Variants in DYNC1LI1 observed in about 807,000 individuals in gnomAD.
DYNC1LI1 encodes the protein cytoplasmic dynein 1 light intermediate chain 1.
Under a neutral mutation model 63.8 loss-of-function variants are expected in DYNC1LI1, and 19 were observed. The ratio of observed to expected loss-of-function variants is 0.30; its 90% confidence interval spans 0.21 to 0.44. The LOEUF is 0.44. Ranked by LOEUF, DYNC1LI1 falls within the 20% of genes least tolerant of loss-of-function variation. The pLI is 1.00. For synonymous variants in DYNC1LI1, 225 were observed against 232.3 expected, an observed-to-expected ratio of 0.97 and a Z score of 0.28; for missense variants, 565 against 630.2, an observed-to-expected ratio of 0.90 and a Z score of 1.11.
At chr3:32,569,560 A>G (rs960105789) in intron 2 of DYNC1LI1, among the ~76,000 whole-genome samples, 19 of 152,180 alleles carry the variant, frequency 1.2e-4, no homozygotes, top group Admixed American at 1.2e-3. Flanking sequence ...TCGCATGTAA[A>G]GAGCTATATA....
At chr3:32,559,310 A>G (rs1698158670) in intron 2 of DYNC1LI1, among the ~76,000 whole-genome samples, 1 of 152,108 alleles carries the variant, frequency 6.6e-6, no homozygotes, top group African/African-American at 2.4e-5. Context: ...GCAAGATCTC[A>G]GCTCACTGCA....
intron 5 of DYNC1LI1, among the ~76,000 whole-genome samples, chr3:32,538,527 C>T (rs188200328): frequency 1.2e-3 from 189 of 151,818 alleles, no homozygotes; most frequent in African/African-American, 4.4e-3. Flanking sequence ...GGTGAAACCC[C>T]GTCTCCACTA....
At chr3:32,544,429 T>C (rs112497705) in intron 4 of DYNC1LI1, among the ~76,000 whole-genome samples, 99 of 152,286 alleles carry the variant, frequency 6.5e-4, no homozygotes, top group African/African-American at 2.3e-3. Flanking sequence ...TGTTTCTAAT[T>C]TGAAACTATA....
In DYNC1LI1 at chr3:32,559,334, A is replaced by G. The variant is rs1251942715; in HGVS notation, c.220+11012T>C. On this transcript the variant is annotated intron_variant, in intron 2 of 12. Transcript: ENST00000273130. ...CAGCTCACTGCAGCCTCGATCTCCT[A>G]GGCTCAAGTGATCCTCCCACTTCAG... 2.0e-5 allele frequency among the ~76,000 whole-genome samples: 3 copies of G among 152,100 alleles called. No individual in the cohort carries two copies. In the East Asian group the frequency reaches 5.8e-4, roughly 29 times the overall value.
In DYNC1LI1 at chr3:32,526,162, T is replaced by C. The variant is rs1200008551; in HGVS notation, c.*637A>G. The C allele has an allele frequency of 1.3e-5, 2 of 152,630 alleles. No homozygotes were observed. The highest frequency in any genetic ancestry group is 2.9e-5 in the Non-Finnish European group (2 of 68,054). The allele number at this position is 152,630 out of a possible 1,614,324, so 9.5% of individuals were successfully genotyped here. The stretch of plus-strand genomic sequence containing the variant: ...TCTTTTACACATTTAGGCAGTGTGC[T>C]TTCTTTTCTCCTCAGTTAAAGCAAC... On this transcript the variant is annotated 3_prime_UTR_variant, in exon 13 of 13. Transcript: ENST00000273130.
chr3:32,555,267 C>T (rs192667268), intron 2 of DYNC1LI1, among the ~76,000 whole-genome samples: 3 of 152,262 alleles, frequency 2.0e-5, no homozygotes, highest in Non-Finnish European at 4.4e-5. Context: ...CTCTTAAGAC[C>T]CCTCAGGGGA....
chr3:32,555,700 ACT>A (rs899553467), intron 2 of DYNC1LI1, among the ~76,000 whole-genome samples: 1 of 151,894 alleles, frequency 6.6e-6, no homozygotes, highest in African/African-American at 2.4e-5. Context: ...TCATTATGCT[ACT>A]CTCTCTCTTA....
At chr3:32,533,169 TA>T in intron 7 of DYNC1LI1, 72 bp from the exon 8 acceptor site, 1 of 1,461,594 alleles carries the variant, frequency 6.8e-7, no homozygotes. Flanking sequence ...CAAGATCATG[TA>T]AAAGGAATAC....
intron 10 of DYNC1LI1, 64 bp from the exon 11 acceptor site, chr3:32,529,724 A>T: frequency 3.5e-6 from 5 of 1,417,052 alleles, no homozygotes; most frequent in Non-Finnish European, 3.8e-6. Flanking sequence ...AAAAGTTATT[A>T]TTGTAAAAAG....
intron 2 of DYNC1LI1, chr3:32,566,630 C>A (rs573549928): frequency 2.0e-5 from 7 of 342,816 alleles, no homozygotes; most frequent in Non-Finnish European, 4.0e-5. Flanking sequence ...CCCAGCTACG[C>A]AGGAGGCTGA....
intron 4 of DYNC1LI1, among the ~76,000 whole-genome samples, chr3:32,541,473 T>C (rs1697881817): frequency 6.6e-6 from 1 of 152,164 alleles, no homozygotes; most frequent in African/African-American, 2.4e-5. Flanking sequence ...GCAAAATATT[T>C]TGGTCAAGTC....
At chr3:32,557,848 G>T (rs574996806) in intron 2 of DYNC1LI1, among the ~76,000 whole-genome samples, 1 of 152,096 alleles carries the variant, frequency 6.6e-6, no homozygotes, top group African/African-American at 2.4e-5. Context: ...AATAGTTAAC[G>T]ATCTGTAAAC....
Position 32,570,647 on chromosome 3 carries a change from C to T in DYNC1LI1, c.124G>A (p.Asp42Asn), listed in dbSNP as rs1278864988. The change falls in exon 1 of 13, where the codon GAC (aspartate) becomes AAC (asparagine). Residue 42 changes from aspartate to asparagine, a missense_variant. Coordinates refer to ENST00000273130, the MANE Select transcript of DYNC1LI1 (RefSeq NM_016141.4). ...TACCAAAGGTTCTGCCCGTCCTCGT[C>T]GTCGCCTGCCGCGGCGCCACCGTTG... ...SGNGGAAAGD[D>N]EDGQNLWSCI... 6.3e-7 allele frequency: 1 copy of T among 1,591,450 alleles called. No homozygotes were observed.
chr3:32,567,126 T>C (rs1392863951), intron 2 of DYNC1LI1, among the ~76,000 whole-genome samples: 1 of 152,244 alleles, frequency 6.6e-6, no homozygotes, highest in Non-Finnish European at 1.5e-5. Flanking sequence ...AAGAGTTTTG[T>C]ACCTGGCACT....
chr3:32,548,769 T>C (rs1355803006), intron 2 of DYNC1LI1, among the ~76,000 whole-genome samples: 1 of 152,200 alleles, frequency 6.6e-6, no homozygotes, highest in Non-Finnish European at 1.5e-5. Context: ...ATGACAACTA[T>C]GTGAGGTAAT....
rs955005101 is a variant in DYNC1LI1 at position 32,533,067 on chromosome 3, T to C, written c.999A>G (p.Ile333Met). The change falls in exon 8 of 13, where the codon ATA (isoleucine) becomes ATG (methionine). Residue 333 changes from isoleucine (I) to methionine (M), a missense_variant. Physicochemically the swap from Ile to Met is conservative, Grantham distance 10. Transcript: ENST00000273130. ...TTTGAAAATTTTCATGTAATATTCC[T>C]ATTTTCTTATCATTATCCCACCCTG... Reference protein sequence around the residue: ...IPAGWDNDKKIGILHENFQTL... With the variant: ...IPAGWDNDKKMGILHENFQTL... 1.9e-6 allele frequency: 3 copies of C among 1,603,646 alleles called. No homozygotes were observed. The highest frequency in any genetic ancestry group is 2.5e-6 in the Non-Finnish European group (3 of 1,177,834).
intron 2 of DYNC1LI1, among the ~76,000 whole-genome samples, chr3:32,546,169 A>T (rs1198717228): frequency 6.6e-6 from 1 of 152,148 alleles, no homozygotes; most frequent in Non-Finnish European, 1.5e-5. Context: ...GCACTTTGGG[A>T]GGCCGAGGCA....
At chr3:32,566,000 A>G (rs1463283535) in intron 2 of DYNC1LI1, among the ~76,000 whole-genome samples, 2 of 152,182 alleles carry the variant, frequency 1.3e-5, no homozygotes, top group Non-Finnish European at 2.9e-5. Flanking sequence ...CGGGTGTGGT[A>G]GCTCACCCCT....
At chr3:32,543,556 G>A (rs1697911300) in intron 4 of DYNC1LI1, among the ~76,000 whole-genome samples, 1 of 149,952 alleles carries the variant, frequency 6.7e-6, no homozygotes, top group African/African-American at 2.4e-5. Flanking sequence ...CCGCCACCAT[G>A]CTGGGCTAAT....
Sources: gnomAD v4.1 joint callset for allele counts (sites outside exome capture counted in the v4.1 genomes callset) on GRCh38, gnomAD v4.1.1 for gene constraint, MANE v1.5 for transcripts, NCBI Gene and HGNC (gene_info 2026-07-23, HGNC 2026-07-21) for gene names.